The following SOX5 variants were observed in gnomAD, a reference collection of about 807,000 sequenced individuals.
SOX5 encodes the protein SRY-box transcription factor 5, also known as transcription factor SOX-5.
A neutral mutation model predicts 92.0 loss-of-function variants in SOX5; 9 were observed. The observed-to-expected ratio is 0.10, with a 90% confidence interval of 0.06 to 0.17. The LOEUF (loss-of-function observed/expected upper bound fraction) is 0.17. Among genes scored for constraint, SOX5 ranks in the 10% least tolerant of loss-of-function variants. The pLI, the probability that SOX5 is intolerant of heterozygous loss-of-function variation, is 1.00. For synonymous variants in SOX5, 344 were observed against 336.3 expected, an observed-to-expected ratio of 1.02 and a Z score of -0.25; for missense variants, 642 against 944.5, an observed-to-expected ratio of 0.68 and a Z score of 4.20.
chr12:24,193,118 G>GA (rs1158138438), intron 4 of SOX5, among the ~76,000 whole-genome samples: 3 of 152,026 alleles, frequency 2.0e-5, no homozygotes. Context: ...GTACACACAC[G>GA]AAAAACTGTA....
intron 2 of SOX5, among the ~76,000 whole-genome samples, chr12:23,882,385 C>A (rs1167166797): frequency 1.3e-5 from 2 of 149,764 alleles, no homozygotes; most frequent in South Asian, 2.1e-4. Flanking sequence ...AAAAAAAAAA[C>A]CACGGTAATA....
chr12:24,478,993 C>G (rs1034778803), intron 1 of SOX5, among the ~76,000 whole-genome samples: 5 of 152,196 alleles, frequency 3.3e-5, no homozygotes, highest in African/African-American at 1.2e-4. Flanking sequence ...ATCTACTCTT[C>G]GAGCTCCATT....
At chr12:24,397,766 T>C (rs1348363557) in intron 1 of SOX5, among the ~76,000 whole-genome samples, 5 of 152,006 alleles carry the variant, frequency 3.3e-5, no homozygotes, top group African/African-American at 1.2e-4. Flanking sequence ...TGACCACAAC[T>C]CTTTAATGCT....
chr12:23,587,597 C>A (rs1424259538), intron 9 of SOX5, among the ~76,000 whole-genome samples: 1 of 152,036 alleles, frequency 6.6e-6, no homozygotes, highest in African/African-American at 2.4e-5. Flanking sequence ...GAGACCCTCA[C>A]AAAATTTTTA....
chr12:23,687,063 T>A (rs2087731706), intron 6 of SOX5, among the ~76,000 whole-genome samples: 1 of 152,052 alleles, frequency 6.6e-6, no homozygotes, highest in Non-Finnish European at 1.5e-5. Flanking sequence ...GTTAAGAGAT[T>A]CTGTATATTT....
chr12:23,973,309 C>T (rs866186854), intron 4 of SOX5, among the ~76,000 whole-genome samples: 12 of 151,808 alleles, frequency 7.9e-5, no homozygotes, highest in Non-Finnish European at 1.5e-4. Flanking sequence ...TACAGGCACG[C>T]ACCACCATGC....
At chr12:23,758,216 G>C (rs2094458716) in intron 3 of SOX5, among the ~76,000 whole-genome samples, 1 of 151,812 alleles carries the variant, frequency 6.6e-6, no homozygotes, top group Admixed American at 6.6e-5. Context: ...AACTATGCTA[G>C]AGGTTTTTAT....
chr12:23,902,866 G>A (rs2097251587), intron 1 of SOX5, among the ~76,000 whole-genome samples: 1 of 152,014 alleles, frequency 6.6e-6, no homozygotes, highest in Admixed American at 6.6e-5. Flanking sequence ...TAATAATAGG[G>A]CAGTATAATT....
chr12:24,257,699 C>A (rs1203003491), intron 3 of SOX5, among the ~76,000 whole-genome samples: 8 of 151,876 alleles, frequency 5.3e-5, no homozygotes, highest in African/African-American at 1.9e-4. Context: ...GAACTCCTGA[C>A]CTCGTGATCT....
chr12:24,533,535 T>A (rs1195403436), intron 1 of SOX5, among the ~76,000 whole-genome samples: 2 of 152,174 alleles, frequency 1.3e-5, no homozygotes, highest in African/African-American at 2.4e-5. Flanking sequence ...TATGTTGTTT[T>A]CAAAATTAAA....
chr12:23,982,058 T>C (rs1949622773), intron 4 of SOX5, among the ~76,000 whole-genome samples: 1 of 152,200 alleles, frequency 6.6e-6, no homozygotes. Flanking sequence ...GAAGTATGAT[T>C]GATGGAGATA....
At chr12:24,157,556 T>C (rs1181861211) in intron 4 of SOX5, among the ~76,000 whole-genome samples, 1 of 152,104 alleles carries the variant, frequency 6.6e-6, no homozygotes, top group Admixed American at 6.6e-5. Flanking sequence ...GATACCTAAA[T>C]GGGATTTGGT....
At chr12:23,658,812 G>A (rs1046148088) in intron 7 of SOX5, among the ~76,000 whole-genome samples, 2 of 152,198 alleles carry the variant, frequency 1.3e-5, no homozygotes, top group African/African-American at 4.8e-5. Flanking sequence ...AGAATCGCTT[G>A]AACTCAGGAG....
At chr12:24,080,752 A>G (rs1943228860) in intron 4 of SOX5, among the ~76,000 whole-genome samples, 3 of 151,964 alleles carry the variant, frequency 2.0e-5, no homozygotes, top group Admixed American at 6.6e-5. Flanking sequence ...GCTATGGCAC[A>G]TTGCTTAAAC....
At chr12:24,148,548 T>C (rs1474076596) in intron 4 of SOX5, among the ~76,000 whole-genome samples, 2 of 144,412 alleles carry the variant, frequency 1.4e-5, no homozygotes, top group African/African-American at 5.1e-5. Context: ...CAGAATAGAC[T>C]TTAGAAACAA....
chr12:23,749,886 C>T lies in SOX5; in HGVS notation c.568+5752G>A, dbSNP rs74815944. The stretch of plus-strand genomic sequence containing the variant: ...TCCTTCCTCAAATATGCACTACATT[C>T]CAAACTTTGAGCCAACAGAATATTA... On this transcript the variant is annotated intron_variant, in intron 4 of 14. Transcript: ENST00000451604. Among the ~76,000 whole-genome samples, 1,193 of 151,928 alleles carry T rather than the reference C, an allele frequency of 7.9e-3. 21 individuals are homozygous for T. The highest frequency in any genetic ancestry group is 0.028 in the African/African-American group (1,156 of 41,510).
chr12:24,151,477 T>G (rs1951645475), intron 4 of SOX5, among the ~76,000 whole-genome samples: 1 of 152,166 alleles, frequency 6.6e-6, no homozygotes, highest in Admixed American at 6.6e-5. Flanking sequence ...AATTAACTAT[T>G]TACAATTGAA....
At chr12:24,095,114 CACACACACACACACAGAGAG>C (rs1282442454) in intron 4 of SOX5, among the ~76,000 whole-genome samples, 35 of 96,498 alleles carry the variant, frequency 3.6e-4, no homozygotes, top group South Asian at 5.1e-4. Flanking sequence ...CACACACACA[CACACACACACACACAGAGAG>C]AGAGAGAGAG....
chr12:24,167,245 A>G (rs1202539824), intron 4 of SOX5, among the ~76,000 whole-genome samples: 1 of 152,182 alleles, frequency 6.6e-6, no homozygotes, highest in Non-Finnish European at 1.5e-5. Context: ...TAAATTTGGG[A>G]TGTGATACAT....
Sources: gnomAD v4.1 joint callset for allele counts (sites outside exome capture counted in the v4.1 genomes callset) on GRCh38, gnomAD v4.1.1 for gene constraint, MANE v1.5 for transcripts, NCBI Gene and HGNC (gene_info 2026-07-23, HGNC 2026-07-21) for gene names.